EVI5: variants seen among roughly 807,000 people sequenced by gnomAD.
EVI5 encodes ecotropic viral integration site 5 protein homolog.
Under a neutral mutation model 112.0 loss-of-function variants are expected in EVI5, and 73 were observed. The ratio of observed to expected loss-of-function variants is 0.65; its 90% CI spans 0.54 to 0.79. The LOEUF (loss-of-function observed/expected upper bound fraction) is 0.79. EVI5 is among the 30% of genes least tolerant of loss of function. EVI5 has a pLI of 0.00. For synonymous variants in EVI5, 305 were observed against 319.9 expected, an observed-to-expected ratio of 0.95 and a Z score of 0.50; for missense variants, 900 against 968.8, an observed-to-expected ratio of 0.93 and a Z score of 0.94.
chr1:92,668,493 C>T (rs926597459), intron 10 of EVI5, among the ~76,000 whole-genome samples: 2 of 152,084 alleles, frequency 1.3e-5, no homozygotes, highest in Non-Finnish European at 2.9e-5. Flanking sequence ...AACTAAGTTC[C>T]CACCAGACAA....
intron 1 of EVI5, among the ~76,000 whole-genome samples, chr1:92,758,266 T>C (rs1389368027): frequency 1.3e-5 from 2 of 152,088 alleles, no homozygotes; most frequent in Non-Finnish European, 2.9e-5. Flanking sequence ...TTTTGTGATT[T>C]TGTTTTAAAA....
intron 1 of EVI5, among the ~76,000 whole-genome samples, chr1:92,773,109 G>A (rs976383506): frequency 3.3e-5 from 5 of 150,118 alleles, no homozygotes; most frequent in African/African-American, 1.2e-4. Context: ...GGGAGGCTGA[G>A]CCAGGAGAAT....
intron 18 of EVI5, among the ~76,000 whole-genome samples, chr1:92,589,870 T>G (rs941065401): frequency 1.3e-5 from 2 of 152,010 alleles, no homozygotes; most frequent in Middle Eastern, 3.4e-3. Flanking sequence ...CCCCCCCGTA[T>G]GGGCAGACTG....
intron 18 of EVI5, among the ~76,000 whole-genome samples, chr1:92,587,841 G>A (rs933911561): frequency 1.3e-5 from 2 of 152,160 alleles, no homozygotes; most frequent in Non-Finnish European, 2.9e-5. Context: ...TAATTTTATA[G>A]ATGTGCTTAG....
At chr1:92,595,537 C>G (rs1223568751) in intron 18 of EVI5, among the ~76,000 whole-genome samples, 1 of 152,112 alleles carries the variant, frequency 6.6e-6, no homozygotes, top group Non-Finnish European at 1.5e-5. Flanking sequence ...GCACGTTGTG[C>G]ACACGTACCC....
intron 18 of EVI5, among the ~76,000 whole-genome samples, chr1:92,578,280 C>T (rs1013232658): frequency 2.6e-5 from 4 of 152,130 alleles, no homozygotes; most frequent in Non-Finnish European, 5.9e-5. Context: ...GTCACCATTT[C>T]TTTCTTTTAG....
intron 9 of EVI5, among the ~76,000 whole-genome samples, chr1:92,689,445 C>A (rs1391766298): frequency 6.6e-6 from 1 of 152,110 alleles, no homozygotes; most frequent in Non-Finnish European, 1.5e-5. Flanking sequence ...TCACTGCAGC[C>A]AGGACCGCCC....
intron 10 of EVI5, among the ~76,000 whole-genome samples, chr1:92,674,121 C>T (rs1187258907): frequency 1.3e-5 from 2 of 152,100 alleles, no homozygotes; most frequent in East Asian, 1.9e-4. Flanking sequence ...GAGACTTTTG[C>T]GGGAGGGAGG....
At chr1:92,784,221 G>C (rs574073558) in intron 1 of EVI5, 2 of 762,962 alleles carry the variant, frequency 2.6e-6, no homozygotes, top group Non-Finnish European at 3.2e-6. Flanking sequence ...CAACTCTTTT[G>C]AGTGGAAACA....
chr1:92,548,206 T>A (rs905475215), intron 19 of EVI5, among the ~76,000 whole-genome samples: 6 of 152,174 alleles, frequency 3.9e-5, no homozygotes, highest in Non-Finnish European at 5.9e-5. Flanking sequence ...CGAAAATCAA[T>A]AAATGTAATC....
At chr1:92,637,023 A>G (rs1190353506) in intron 13 of EVI5, among the ~76,000 whole-genome samples, 1 of 152,228 alleles carries the variant, frequency 6.6e-6, no homozygotes, top group Admixed American at 6.5e-5. Context: ...TAGAAAAAAA[A>G]CAGGGTACCT....
intron 16 of EVI5, among the ~76,000 whole-genome samples, chr1:92,608,774 A>G (rs1651070739): frequency 6.6e-6 from 1 of 152,054 alleles, no homozygotes; most frequent in Non-Finnish European, 1.5e-5. Flanking sequence ...GATGTCACAC[A>G]ATACGGCATA....
At chr1:92,696,892 T>C (rs1362521007) in intron 6 of EVI5, among the ~76,000 whole-genome samples, 1 of 151,710 alleles carries the variant, frequency 6.6e-6, no homozygotes, top group Non-Finnish European at 1.5e-5. Context: ...TACAAAAAAT[T>C]AGCTGGGCGT....
At chr1:92,740,488 T>TA (rs1474132409) in intron 1 of EVI5, among the ~76,000 whole-genome samples, 3 of 152,208 alleles carry the variant, frequency 2.0e-5, no homozygotes, top group African/African-American at 7.2e-5. Flanking sequence ...ACAATTTTCT[T>TA]ACACTCTTTG....
intron 18 of EVI5, among the ~76,000 whole-genome samples, chr1:92,593,862 A>G (rs969878847): frequency 6.6e-6 from 1 of 152,222 alleles, no homozygotes; most frequent in African/African-American, 2.4e-5. Flanking sequence ...CCAGCTTACA[A>G]GGGATGTGAA....
rs917212957 is a variant in EVI5, at chr1:92,510,371, G to T, written c.*3285C>A. On this transcript the variant is annotated 3_prime_UTR_variant, in exon 20 of 20. Coordinates refer to ENST00000684568, the MANE Select transcript of EVI5 (RefSeq NM_001350197.2). ...TTTCCTTTCTTTCTCCTTCTCCAAA[G>T]ATACAGATATCTTTCTACAGTTTTC... 2.6e-5 allele frequency: 4 copies of T among 152,116 alleles called. No homozygotes were observed. The highest frequency in any genetic ancestry group is 2.0e-4 in the Admixed American group (3 of 15,258). 9.4% of individuals were successfully genotyped at this position (152,116 alleles called of 1,614,324 possible).
intron 18 of EVI5, among the ~76,000 whole-genome samples, chr1:92,585,852 GTT>G (rs74771891): frequency 7.1e-6 from 1 of 140,730 alleles, no homozygotes; most frequent in African/African-American, 2.6e-5. Context: ...TTTTTAACCT[GTT>G]TTTTTTTTTT....
chr1:92,590,629 A>T (rs1315400280), intron 18 of EVI5, among the ~76,000 whole-genome samples: 1 of 152,232 alleles, frequency 6.6e-6, no homozygotes, highest in African/African-American at 2.4e-5. Flanking sequence ...GACCAAATCT[A>T]CGTCTAATTG....
rs1661719091 is a variant in EVI5, at chr1:92,649,631, G to A, written c.1392+13088C>T. Among the ~76,000 whole-genome samples the A allele has an allele frequency of 2.0e-5, 3 of 152,198 alleles. No individual in the cohort carries two copies. In the South Asian group the frequency reaches 6.2e-4, roughly 32 times the overall value. On this transcript the variant is annotated intron_variant, in intron 13 of 19. Transcript: ENST00000684568. ...AGCTTGAGGCCAGCCTGGGCAACAT[G>A]GCAAAACCTCATCTCTATTAAAAAA...
Sources: gnomAD v4.1 joint callset for allele counts (sites outside exome capture counted in the v4.1 genomes callset) on GRCh38, gnomAD v4.1.1 for gene constraint, MANE v1.5 for transcripts, NCBI Gene and HGNC (gene_info 2026-07-23, HGNC 2026-07-21) for gene names.